LRMDA: variants seen among roughly 807,000 people sequenced by gnomAD.
LRMDA encodes leucine-rich melanocyte differentiation-associated protein.
LRMDA carries 18 observed loss-of-function variants against 29.8 expected under a neutral mutation model. The observed-to-expected ratio is 0.60, with a 90% CI of 0.42 to 0.90. The LOEUF (loss-of-function observed/expected upper bound fraction) is 0.90. Ranked by LOEUF, LRMDA falls within the 40% of genes least tolerant of loss-of-function variation. LRMDA has a pLI of 0.00. For missense variants in LRMDA, 273 were observed against 273.9 expected, an observed-to-expected ratio of 1.00 and a Z score of 0.02; for synonymous variants, 125 against 109.4, an observed-to-expected ratio of 1.14 and a Z score of -0.89.
intron 2 of LRMDA, among the ~76,000 whole-genome samples, chr10:75,641,841 A>AT (rs1297794721): frequency 6.6e-6 from 1 of 152,184 alleles, no homozygotes; most frequent in East Asian, 1.9e-4. Context: ...GAACCTAGGA[A>AT]TTTGAGTCCA....
At chr10:75,774,789 G>A (rs943457337) in intron 2 of LRMDA, among the ~76,000 whole-genome samples, 1 of 151,938 alleles carries the variant, frequency 6.6e-6, no homozygotes. Context: ...AAATAACAAC[G>A]TACCCACGGC....
At chr10:76,379,852 TA>T (rs1841568374) in intron 6 of LRMDA, among the ~76,000 whole-genome samples, 1 of 152,216 alleles carries the variant, frequency 6.6e-6, no homozygotes, top group African/African-American at 2.4e-5. Context: ...TTTAATGCCA[TA>T]AACTTTCCTC....
At chr10:75,439,439 C>T (rs937358604) in intron 2 of LRMDA, among the ~76,000 whole-genome samples, 1 of 152,178 alleles carries the variant, frequency 6.6e-6, no homozygotes, top group African/African-American at 2.4e-5. Context: ...TCATTTCCCA[C>T]AGCTGAGTCA....
chr10:76,426,705 G>A (rs9664134), intron 6 of LRMDA, among the ~76,000 whole-genome samples: 65,289 of 151,934 alleles, frequency 0.43, 14,939 homozygotes, highest in Middle Eastern at 0.61. Flanking sequence ...GGTATTACCT[G>A]GGTTTTCTTC....
At chr10:76,183,485 T>A (rs1290664637) in intron 5 of LRMDA, among the ~76,000 whole-genome samples, 1 of 152,106 alleles carries the variant, frequency 6.6e-6, no homozygotes, top group Non-Finnish European at 1.5e-5. Flanking sequence ...GAAAAAGGCA[T>A]CATTTATTTG....
intron 5 of LRMDA, among the ~76,000 whole-genome samples, chr10:76,278,593 C>T (rs964294668): frequency 1.3e-5 from 2 of 152,196 alleles, no homozygotes; most frequent in African/African-American, 4.8e-5. Context: ...CTCACCCACA[C>T]TATTACCTGC....
At chr10:76,528,685 C>G (rs956794255) in intron 6 of LRMDA, among the ~76,000 whole-genome samples, 1 of 152,120 alleles carries the variant, frequency 6.6e-6, no homozygotes, top group African/African-American at 2.4e-5. Context: ...TCAGCTACAA[C>G]TAGCCCCAAA....
intron 6 of LRMDA, among the ~76,000 whole-genome samples, chr10:76,328,368 A>G (rs1416381611): frequency 6.6e-6 from 1 of 152,186 alleles, no homozygotes; most frequent in East Asian, 1.9e-4. Context: ...AAACATTTCT[A>G]TTTAGAATGT....
chr10:76,511,282 G>C (rs1843007287), intron 6 of LRMDA, among the ~76,000 whole-genome samples: 1 of 152,164 alleles, frequency 6.6e-6, no homozygotes, highest in African/African-American at 2.4e-5. Context: ...GTGTGGGTGT[G>C]GGCTGGCATT....
Position 76,407,112 on chromosome 10 carries a change from G to A in LRMDA, c.601+82627G>A, listed in dbSNP as rs112663897. On this transcript the variant is annotated intron_variant, in intron 6 of 6. Transcript: ENST00000611255. The stretch of plus-strand genomic sequence containing the variant: ...GGGAATGTAGGGCTGTGGACTAGGT[G>A]TTACGCAGAGATGTGGCAGCTGAAG... Among the ~76,000 whole-genome samples, 246 of 152,280 alleles carry A rather than the reference G, an allele frequency of 1.6e-3. 1 individual carries two copies. The highest frequency in any genetic ancestry group is 5.8e-3 in the African/African-American group (239 of 41,552).
chr10:76,155,798 A>T (rs367896039), intron 5 of LRMDA, among the ~76,000 whole-genome samples: 3 of 152,208 alleles, frequency 2.0e-5, no homozygotes, highest in Admixed American at 2.0e-4. Context: ...TATCCTGACT[A>T]TCACATTTTG....
intron 6 of LRMDA, among the ~76,000 whole-genome samples, chr10:76,407,696 C>A (rs933271467): frequency 6.6e-6 from 1 of 152,166 alleles, no homozygotes; most frequent in Admixed American, 6.5e-5. Flanking sequence ...AGAGCCAAAA[C>A]TGTCTGCTAT....
intron 2 of LRMDA, among the ~76,000 whole-genome samples, chr10:75,798,480 T>C (rs1320673101): frequency 6.6e-6 from 1 of 152,110 alleles, no homozygotes; most frequent in African/African-American, 2.4e-5. Flanking sequence ...TCTCTATTGT[T>C]AGTCCAATTT....
At chr10:76,353,639 C>T (rs1432424471) in intron 6 of LRMDA, among the ~76,000 whole-genome samples, 1 of 152,110 alleles carries the variant, frequency 6.6e-6, no homozygotes, top group Non-Finnish European at 1.5e-5. Flanking sequence ...TGTTCAGCCT[C>T]AACTGAGACC....
intron 2 of LRMDA, among the ~76,000 whole-genome samples, chr10:75,758,635 A>G (rs1029627690): frequency 5.3e-5 from 8 of 152,158 alleles, no homozygotes; most frequent in Non-Finnish European, 1.2e-4. Flanking sequence ...TTTAATTATT[A>G]CTTTTATTAT....
chr10:76,223,869 C>T (rs906452576), intron 5 of LRMDA, among the ~76,000 whole-genome samples: 3 of 152,220 alleles, frequency 2.0e-5, no homozygotes, highest in Non-Finnish European at 2.9e-5. Flanking sequence ...CCTCCAGCTA[C>T]TCTTCTTTCA....
At chr10:76,235,183 GGAGA>G (rs369474433) in intron 5 of LRMDA, among the ~76,000 whole-genome samples, 1 of 151,752 alleles carries the variant, frequency 6.6e-6, no homozygotes, top group South Asian at 2.1e-4. Flanking sequence ...GGAAGCCTGG[GGAGA>G]GAGAGAGAGA....
At chr10:76,194,607 C>T (rs1851302228) in intron 5 of LRMDA, among the ~76,000 whole-genome samples, 1 of 152,164 alleles carries the variant, frequency 6.6e-6, no homozygotes, top group Non-Finnish European at 1.5e-5. Context: ...TAAGATGTAG[C>T]TTCTTAGCTT....
At chr10:75,473,438 C>A (rs1206197307) in intron 2 of LRMDA, among the ~76,000 whole-genome samples, 1 of 152,200 alleles carries the variant, frequency 6.6e-6, no homozygotes, top group East Asian at 1.9e-4. Flanking sequence ...TGATGCGTTT[C>A]CGAAGTTCAG....
Sources: gnomAD v4.1 joint callset for allele counts (sites outside exome capture counted in the v4.1 genomes callset) on GRCh38, gnomAD v4.1.1 for gene constraint, MANE v1.5 for transcripts, NCBI Gene and HGNC (gene_info 2026-07-23, HGNC 2026-07-21) for gene names.